NFKB1: variants seen among roughly 807,000 people sequenced by gnomAD.
NFKB1 encodes nuclear factor kappa B subunit 1, also known as nuclear factor NF-kappa-B p105 subunit.
NFKB1 carries 9 observed loss-of-function variants against 105.1 expected under a neutral mutation model. The observed-to-expected ratio is 0.09, with a 90% CI of 0.05 to 0.15. The LOEUF is 0.15. NFKB1 is among the 10% of genes least tolerant of loss of function. NFKB1 has a pLI of 1.00. For missense variants in NFKB1, 830 were observed against 1,203.7 expected (o/e 0.69, Z 4.59); for synonymous variants, 440 against 442.2 (o/e 1.00, Z 0.06).
chr4:102,529,901 G>A lies in NFKB1; in HGVS notation c.105G>A (p.Met35Ile), dbSNP rs748222621. The change falls in exon 3 of 24, where the codon ATG becomes ATA. Residue 35 changes from methionine to isoleucine, a missense_variant. This residue lies in a region of NFKB1 where 46 missense variants were observed against 48.3 expected (regional missense o/e 0.95). Transcript: ENST00000226574. ...ATCCAGAAGTATTTCAACCACAGATGGCACTGCCAACAGGTAAGAAAACTC... is the reference window on the plus strand; with the variant it reads ...ATCCAGAAGTATTTCAACCACAGATAGCACTGCCAACAGGTAAGAAAACTC... The part of the protein sequence containing the change: ...IFNPEVFQPQ[M>I]ALPTADGPYL... The A allele has an allele frequency of 6.2e-7, 1 of 1,609,378 alleles. No homozygotes were observed. The highest frequency in any genetic ancestry group is 1.1e-5 in the South Asian group (1 of 90,662).
intron 6 of NFKB1, among the ~76,000 whole-genome samples, chr4:102,575,599 C>T (rs369521532): frequency 2.0e-5 from 3 of 152,122 alleles, no homozygotes; most frequent in Non-Finnish European, 4.4e-5. Flanking sequence ...GTGGTCCTAC[C>T]GCAGGAATTT....
intron 14 of NFKB1, 74 bp downstream of exon 14, chr4:102,596,406 C>A: frequency 8.3e-7 from 1 of 1,210,774 alleles, no homozygotes; most frequent in Non-Finnish European, 1.1e-6. Context: ...AAGATATCTG[C>A]TAATCTAAAG....
chr4:102,544,303 A>G (rs1232263871), intron 5 of NFKB1, among the ~76,000 whole-genome samples: 1 of 152,114 alleles, frequency 6.6e-6, no homozygotes, highest in Non-Finnish European at 1.5e-5. Flanking sequence ...ATTTTTAATC[A>G]ATTTTAAATG....
At chr4:102,579,300 C>T (rs1204504385) in intron 8 of NFKB1, among the ~76,000 whole-genome samples, 1 of 152,012 alleles carries the variant, frequency 6.6e-6, no homozygotes, top group Non-Finnish European at 1.5e-5. Context: ...AATGTCACAT[C>T]TCATCTTATT....
intron 6 of NFKB1, among the ~76,000 whole-genome samples, chr4:102,570,930 T>G (rs1463613470): frequency 6.6e-6 from 1 of 152,188 alleles, no homozygotes; most frequent in African/African-American, 2.4e-5. Context: ...ATAGATTCAA[T>G]GCCATCCCCA....
chr4:102,581,641 G>A (rs1725321612), intron 9 of NFKB1, among the ~76,000 whole-genome samples: 2 of 152,030 alleles, frequency 1.3e-5, no homozygotes, highest in South Asian at 2.1e-4. Flanking sequence ...ATGACAGAGC[G>A]AGACCCTGTC....
At chr4:102,593,178 TAAG>T (rs1256338656) in intron 11 of NFKB1, 4 of 284,576 alleles carry the variant, frequency 1.4e-5, no homozygotes, top group South Asian at 1.4e-4. Context: ...ACTGGGGACT[TAAG>T]AAACTGTTGT....
intron 1 of NFKB1, among the ~76,000 whole-genome samples, chr4:102,515,911 G>A (rs775524183): frequency 7.9e-5 from 12 of 152,090 alleles, no homozygotes; most frequent in Admixed American, 3.9e-4. Flanking sequence ...CTTCTTTTTA[G>A]CATGTCTTTT....
At chr4:102,554,107 C>G (rs1722811840) in intron 5 of NFKB1, among the ~76,000 whole-genome samples, 1 of 151,908 alleles carries the variant, frequency 6.6e-6, no homozygotes, top group African/African-American at 2.4e-5. Flanking sequence ...AATTTTAGAG[C>G]TGGAAAATGA....
At chr4:102,571,863 G>T (rs984882940) in intron 6 of NFKB1, among the ~76,000 whole-genome samples, 3 of 152,192 alleles carry the variant, frequency 2.0e-5, no homozygotes, top group African/African-American at 7.2e-5. Context: ...TGGAGAAATA[G>T]GAACACTTTT....
chr4:102,608,681 G>T (rs1728066849), intron 19 of NFKB1, among the ~76,000 whole-genome samples: 1 of 151,284 alleles, frequency 6.6e-6, no homozygotes, highest in African/African-American at 2.4e-5. Flanking sequence ...TAACTTAAAA[G>T]GTAAATGCTT....
chr4:102,543,597 A>G (rs910058986), intron 5 of NFKB1, among the ~76,000 whole-genome samples: 19 of 149,016 alleles, frequency 1.3e-4, no homozygotes, highest in Non-Finnish European at 2.7e-4. Flanking sequence ...CCCTTCCACT[A>G]CTGATTTAAA....
intron 4 of NFKB1, among the ~76,000 whole-genome samples, chr4:102,537,084 C>A (rs1741689257): frequency 6.6e-6 from 1 of 152,036 alleles, no homozygotes; most frequent in Admixed American, 6.6e-5. Context: ...TATAATCTTC[C>A]CTTTTGTACA....
intron 19 of NFKB1, among the ~76,000 whole-genome samples, chr4:102,609,984 T>A (rs1329446738): frequency 6.6e-6 from 1 of 152,218 alleles, no homozygotes; most frequent in Non-Finnish European, 1.5e-5. Flanking sequence ...GTTGTTTTTG[T>A]TTTTGCTGGA....
intron 1 of NFKB1, among the ~76,000 whole-genome samples, chr4:102,510,191 A>G (rs1020690675): frequency 4.6e-5 from 7 of 152,082 alleles, no homozygotes; most frequent in African/African-American, 7.2e-5. Context: ...CCCTTTCCAT[A>G]AAGAGTTATG....
intron 6 of NFKB1, among the ~76,000 whole-genome samples, chr4:102,571,811 G>T (rs958852213): frequency 4.6e-5 from 7 of 152,280 alleles, no homozygotes; most frequent in Admixed American, 4.6e-4. Context: ...AGTTAGAATG[G>T]CAATCATTAA....
intron 14 of NFKB1, 24 bp from the exon 15 acceptor site, chr4:102,597,496 A>G (rs1391399424): frequency 1.9e-6 from 3 of 1,592,486 alleles, no homozygotes; most frequent in African/African-American, 1.3e-5. Context: ...ACACTCAACT[A>G]TGATTGTGGT....
intron 11 of NFKB1, among the ~76,000 whole-genome samples, chr4:102,592,180 T>C (rs1032901421): frequency 6.6e-6 from 1 of 152,200 alleles, no homozygotes; most frequent in Admixed American, 6.5e-5. Flanking sequence ...TGAGATAGAA[T>C]CTACTCCTGG....
At chr4:102,502,153 G>C (rs1483168404) in intron 1 of NFKB1, 1 of 152,638 alleles carries the variant, frequency 6.6e-6, no homozygotes, top group Non-Finnish European at 1.5e-5. Flanking sequence ...GTGCGCTGCG[G>C]CGCGGAGGAG....
Sources: gnomAD v4.1 joint callset for allele counts (sites outside exome capture counted in the v4.1 genomes callset) on GRCh38, gnomAD v4.1.1 for gene constraint, gnomAD v4.1.1 regional missense constraint, MANE v1.5 for transcripts, NCBI Gene and HGNC (gene_info 2026-07-23, HGNC 2026-07-21) for gene names.